The following STK36 variants were observed in gnomAD, a reference collection of about 807,000 sequenced individuals.
The protein encoded by STK36 is serine/threonine-protein kinase 36.
STK36 carries 116 observed loss-of-function variants against 142.2 expected under a neutral mutation model. That is an observed-to-expected ratio of 0.82 (90% CI 0.70 to 0.95). The LOEUF (loss-of-function observed/expected upper bound fraction) is 0.95. Ranked by LOEUF, STK36 falls within the 40% of genes least tolerant of loss-of-function variation. The pLI is 0.00. For missense variants in STK36, 1,422 were observed against 1,617.2 expected, an observed-to-expected ratio of 0.88 and a Z score of 2.07; for synonymous variants, 619 against 641.7, an observed-to-expected ratio of 0.96 and a Z score of 0.53.
In STK36 at chr2:218,673,864, G is replaced by A. The variant is rs751472628; in HGVS notation, c.226-15G>A. ...TGAATCTGGAGCCATCAGTGCCACTGCCTTCTCTCTGTAGGTGGTGGTGGT... is the reference window on the plus strand; with the variant it reads ...TGAATCTGGAGCCATCAGTGCCACTACCTTCTCTCTGTAGGTGGTGGTGGT... On this transcript the variant is annotated splice_polypyrimidine_tract_variant and intron_variant, in intron 3 of 26. Coordinates refer to ENST00000295709, the MANE Select transcript of STK36 (RefSeq NM_015690.5). 3 of 1,614,180 alleles carry A rather than the reference G, an allele frequency of 1.9e-6. No homozygotes were observed. The highest frequency in any genetic ancestry group is 3.3e-5 in the Admixed American group (2 of 60,028).
At chr2:218,672,497 AAG>A in intron 1 of STK36, 1 of 335,374 alleles carries the variant, frequency 3.0e-6, no homozygotes, top group Non-Finnish European at 5.6e-6. Flanking sequence ...GCTAGGTTGA[AAG>A]AGTAGGGTCG....
chr2:218,675,541 T>G (rs1940200197), intron 5 of STK36, 68 bp downstream of exon 5: 1 of 1,274,794 alleles, frequency 7.8e-7, no homozygotes, highest in African/African-American at 1.7e-5. Context: ...TTTTTTTTTT[T>G]GAGATGGAGT....
rs776522042 is a variant in STK36, at chr2:218,694,308, C to T, written c.2381C>T (p.Ser794Leu). The part of the protein sequence containing the change: ...GSDVATLFTH[S>L]HVVSLVSAAA... Reference sequence around the variant, plus strand: ...GACGTTGCTACTCTCTTTACCCATTCGCATGTCGTCTCTCTTGTGGTAAGT... The same window carrying T: ...GACGTTGCTACTCTCTTTACCCATTTGCATGTCGTCTCTCTTGTGGTAAGT... The change falls in exon 20 of 27, where the codon TCG becomes TTG. Residue 794 changes from serine (S) to leucine (L), a missense_variant. Ser to Leu is a moderately radical substitution (Grantham distance 145). Coordinates refer to ENST00000295709, the MANE Select transcript of STK36 (RefSeq NM_015690.5). This position sits in a 1 kb window ranked among gnomAD's most constrained non-coding sequence, Gnocchi z 4.4. 5.6e-6 allele frequency: 9 copies of T among 1,614,084 alleles called. No homozygotes were observed. Among genetic ancestry groups the T allele is most frequent in the East Asian group, 2.2e-5 (1 of 44,886 alleles).
At chr2:218,684,304 G>A (rs1940677156) in intron 10 of STK36, among the ~76,000 whole-genome samples, 1 of 150,478 alleles carries the variant, frequency 6.6e-6, no homozygotes, top group South Asian at 2.1e-4. Context: ...AGAGATGGGT[G>A]GGGTTTCTCC....
rs1333311758 is a variant in STK36 at position 218,698,922 on chromosome 2, G to A, written c.3378G>A (p.Arg1126=). 1.9e-6 allele frequency: 3 copies of A among 1,614,166 alleles called. No individual in the cohort carries two copies. Among genetic ancestry groups the A allele is most frequent in the Middle Eastern group, 1.6e-4 (1 of 6,062 alleles). The change falls in exon 26 of 27, where the codon CGG becomes CGA. Residue 1126 remains arginine (R), a synonymous_variant. Coordinates refer to ENST00000295709, the MANE Select transcript of STK36 (RefSeq NM_015690.5). ...SLLGHPENSV[R]AHTYRLLGHL... ...TGGGCCACCCAGAGAATTCTGTGCG[G>A]GCACACACTTATAGGCTCCTGGGAC...
At chr2:218,698,136 G>A (rs563356668) in intron 25 of STK36, 135 bp downstream of exon 25, 218 of 1,242,392 alleles carry the variant, frequency 1.8e-4, no homozygotes, top group Non-Finnish European at 2.2e-4. Flanking sequence ...AAAAGTTGGC[G>A]TGGAGACAGT....
At chr2:218,688,313 G>A in intron 11 of STK36, 1 of 461,098 alleles carries the variant, frequency 2.2e-6, no homozygotes, top group South Asian at 1.6e-5. Context: ...GTCTTTCTGT[G>A]GTTAAATAAT....
Position 218,694,512 on chromosome 2 carries a change from A to T in STK36, c.2401-13A>T, listed in dbSNP as rs779990463. The T allele has an allele frequency of 6.2e-7, 1 of 1,612,104 alleles. No homozygotes were observed. Among genetic ancestry groups the T allele is most frequent in the Non-Finnish European group, 8.5e-7 (1 of 1,178,476 alleles). ...ATTTGGACATTCTTTCTCCTCTTTT[A>T]CCTCTCCCACAGAGTGCAGCAGCCT... is the stretch of plus-strand genomic sequence containing the variant. On this transcript the variant is annotated splice_polypyrimidine_tract_variant and intron_variant, in intron 20 of 26. Transcript: ENST00000295709. The surrounding 1 kb of genome is among the most constrained non-coding windows in gnomAD (Gnocchi z 4.4).
At chr2:218,688,538 A>G (rs1940868389) in intron 11 of STK36, 159 bp from the exon 12 acceptor site, 3 of 841,168 alleles carry the variant, frequency 3.6e-6, no homozygotes, top group Non-Finnish European at 5.7e-6. Context: ...CAGTTCCCCT[A>G]TTTCCCTGCT....
In STK36 at chr2:218,697,984, G is replaced by T. The variant is rs1416658645; in HGVS notation, c.3040G>T (p.Ala1014Ser). 2.5e-6 allele frequency: 4 copies of T among 1,614,048 alleles called. No individual in the cohort carries two copies. The highest frequency in any genetic ancestry group is 2.5e-6 in the Non-Finnish European group (3 of 1,180,036). ...GGCCGACCTCAGGGACTCAGAAGTT[G>T]CAGCCCATCTGCTGCAGGTACTTGG... ...VLADLRDSEV[A>S]AHLLQVCCYH... The change falls in exon 25 of 27, where the codon GCA (alanine) becomes TCA (serine). Residue 1014 changes from alanine (A) to serine (S), a missense_variant. Ala to Ser is a moderately conservative substitution (Grantham distance 99). Transcript: ENST00000295709.
intron 26 of STK36, among the ~76,000 whole-genome samples, chr2:218,700,403 T>C (rs1179301949): frequency 4.0e-5 from 6 of 151,730 alleles, no homozygotes; most frequent in Middle Eastern, 3.4e-3. Flanking sequence ...TATTTATTTA[T>C]TTACTTATTT....
chr2:218,680,483 T>C (rs1235355915), intron 9 of STK36, 120 bp from the exon 10 acceptor site: 7 of 765,014 alleles, frequency 9.2e-6, no homozygotes, highest in Non-Finnish European at 1.3e-5. Context: ...AAGTCTCCTC[T>C]AGTCAATCCT....
Position 218,694,764 on chromosome 2 carries a change from C to T in STK36, c.2511+129C>T. The T allele has an allele frequency of 1.3e-6, 1 of 764,378 alleles. No homozygotes were observed. The highest frequency in any genetic ancestry group is 2.7e-5 in the East Asian group (1 of 37,104). 47.3% of individuals were successfully genotyped at this position (764,378 alleles called of 1,614,324 possible). On this transcript the variant is annotated intron_variant, in intron 21 of 26. Coordinates refer to ENST00000295709, the MANE Select transcript of STK36 (RefSeq NM_015690.5). The surrounding 1 kb of genome is among the most constrained non-coding windows in gnomAD (Gnocchi z 4.4). ...GAGGAATGGAAAAGGAATCAAGGAG[C>T]CCTTCCTTTTCTAGATTTGTCGCCG...
chr2:218,688,965 G>A, intron 12 of STK36, 89 bp downstream of exon 12: 2 of 1,328,312 alleles, frequency 1.5e-6, no homozygotes, highest in Non-Finnish European at 2.0e-6. Flanking sequence ...TCTTTGGTCT[G>A]ACTGCCTTTT....
At position 218,690,486 on chromosome 2, in the gene STK36, G is replaced by A. The variant is rs1940957065; in HGVS notation, c.1695G>A (p.Leu565=). ...TTCAGGAGGCTGCCAACCTTTTTCT[G>A]GACCTGTTGGGGAAACTGCTGGCCC... ...QVFQEAANLF[L]DLLGKLLAQP... The change falls in exon 14 of 27, where the codon CTG becomes CTA. Residue 565 remains leucine, a synonymous_variant. Transcript: ENST00000295709. The A allele has an allele frequency of 6.2e-7, 1 of 1,613,978 alleles. No homozygotes were observed. The highest frequency in any genetic ancestry group is 8.5e-7 in the Non-Finnish European group (1 of 1,180,030).
intron 22 of STK36, 70 bp downstream of exon 22, chr2:218,696,671 C>A: frequency 2.0e-6 from 3 of 1,516,010 alleles, no homozygotes; most frequent in Non-Finnish European, 2.7e-6. Context: ...AGCCTCTGGA[C>A]CAGAGGAATG....
In STK36 at chr2:218,679,211, T is replaced by A. The variant is rs1278525198; in HGVS notation, c.728T>A (p.Leu243Gln). ...CTCACCAAAGACCCACGGCAGCGAC[T>A]GTCCTGGCCAGACCTCTTATATCAC... ...GLLTKDPRQR[L>Q]SWPDLLYHPF... is the part of the protein sequence containing the mutation. Residue 243 changes from leucine to glutamine, a missense_variant, in exon 7 of 27, where the codon CTG (leucine) becomes CAG (glutamine). Coordinates refer to ENST00000295709, the MANE Select transcript of STK36 (RefSeq NM_015690.5). 1 of 1,614,222 alleles carries A rather than the reference T, an allele frequency of 6.2e-7. No individual in the cohort carries two copies. The highest frequency in any genetic ancestry group is 8.5e-7 in the Non-Finnish European group (1 of 1,180,026).
At chr2:218,686,006 C>T (rs1026558633) in intron 11 of STK36, among the ~76,000 whole-genome samples, 13 of 150,228 alleles carry the variant, frequency 8.7e-5, no homozygotes, top group South Asian at 2.1e-4. Context: ...GGTGTGATCT[C>T]GGCTCACTGC....
chr2:218,675,341 A>C lies in STK36; in HGVS notation c.304-2A>C, dbSNP rs1940186080. On this transcript the variant is annotated splice_acceptor_variant, in intron 4 of 26. Transcript: ENST00000295709. LOFTEE classifies it high-confidence loss of function. ...TCTTTCTTCCACCTCTTTAATTTCT[A>C]GGTTCAGGCCATTGCTGCCCAGTTG... is the stretch of plus-strand genomic sequence containing the variant. 2 of 1,598,648 alleles carry C rather than the reference A, an allele frequency of 1.3e-6. No individual in the cohort carries two copies. Among genetic ancestry groups the C allele is most frequent in the Non-Finnish European group, 1.7e-6 (2 of 1,173,298 alleles).
Sources: gnomAD v4.1 joint callset for allele counts (sites outside exome capture counted in the v4.1 genomes callset) on GRCh38, gnomAD v4.1.1 for gene constraint, Gnocchi (gnomAD v3.1) non-coding constraint, MANE v1.5 for transcripts, NCBI Gene and HGNC (gene_info 2026-07-23, HGNC 2026-07-21) for gene names.